The following THEMIS variants were observed in gnomAD, a reference collection of about 807,000 sequenced individuals.
THEMIS encodes the protein thymocyte selection associated, also known as protein THEMIS.
A neutral mutation model predicts 52.6 loss-of-function variants in THEMIS; 37 were observed. That is an observed-to-expected ratio of 0.70 (90% CI 0.54 to 0.93). The LOEUF (loss-of-function observed/expected upper bound fraction) is 0.93. Among genes scored for constraint, THEMIS ranks in the 40% least tolerant of loss-of-function variants. The pLI, the probability that THEMIS is intolerant of heterozygous loss-of-function variation, is 0.00. For missense variants in THEMIS, 808 were observed against 763.1 expected, an observed-to-expected ratio of 1.06 and a Z score of -0.69; for synonymous variants, 292 against 272.7, an observed-to-expected ratio of 1.07 and a Z score of -0.70.
intron 2 of THEMIS, among the ~76,000 whole-genome samples, chr6:127,853,477 A>T (rs1779501536): frequency 6.6e-6 from 1 of 151,710 alleles, no homozygotes; most frequent in Non-Finnish European, 1.5e-5. Context: ...TGTGCAGCCA[A>T]ATTTGAGAAT....
At chr6:127,899,231 A>G (rs1437216833) in intron 1 of THEMIS, among the ~76,000 whole-genome samples, 1 of 151,870 alleles carries the variant, frequency 6.6e-6, no homozygotes, top group Non-Finnish European at 1.5e-5. Flanking sequence ...GTATCCCATA[A>G]ATATGTATAT....
At chr6:127,753,741 G>C (rs1458359052) in intron 4 of THEMIS, among the ~76,000 whole-genome samples, 1 of 151,994 alleles carries the variant, frequency 6.6e-6, no homozygotes, top group African/African-American at 2.4e-5. Flanking sequence ...ATTGCCAGGG[G>C]CTGATGGGAG....
At chr6:127,707,034 G>C (rs1415248566), downstream of THEMIS, among the ~76,000 whole-genome samples, 1 of 152,120 alleles carries the variant, frequency 6.6e-6, no homozygotes, top group Non-Finnish European at 1.5e-5. Flanking sequence ...AGAAGGGGAA[G>C]CAAACACGTC....
chr6:127,767,760 T>C (rs1333363454), intron 4 of THEMIS, among the ~76,000 whole-genome samples: 2 of 152,128 alleles, frequency 1.3e-5, no homozygotes, highest in Non-Finnish European at 2.9e-5. Flanking sequence ...CATTATCGAG[T>C]TTTATATACA....
At chr6:127,748,289 C>T (rs954775192) in intron 4 of THEMIS, among the ~76,000 whole-genome samples, 2 of 151,972 alleles carry the variant, frequency 1.3e-5, no homozygotes, top group Non-Finnish European at 2.9e-5. Context: ...AGTCTAAAAA[C>T]GAGTGGCTGC....
rs545632815 is a variant in THEMIS, at chr6:127,729,783, C to T, written c.1759-9960G>A. On this transcript the variant is annotated intron_variant, in intron 4 of 5. Transcript: ENST00000368248. ...TGTTTGCTTTATAATTAAGTTCATT[C>T]GAGTAATGAGTTTTCATGGCTGTCA... Among the ~76,000 whole-genome samples, 204 of 152,154 alleles carry T rather than the reference C, an allele frequency of 1.3e-3. 1 individual carries two copies. Among genetic ancestry groups the T allele is most frequent in the African/African-American group, 4.6e-3 (193 of 41,516 alleles).
chr6:127,858,852 A>G (rs1779704043), intron 1 of THEMIS, among the ~76,000 whole-genome samples: 1 of 152,154 alleles, frequency 6.6e-6, no homozygotes, highest in South Asian at 2.1e-4. Flanking sequence ...GCTGGAACAA[A>G]GCAGCCTGTT....
At chr6:127,787,458 G>T (rs2114507634) in intron 4 of THEMIS, among the ~76,000 whole-genome samples, 1 of 152,194 alleles carries the variant, frequency 6.6e-6, no homozygotes, top group East Asian at 1.9e-4. Context: ...CATGTTCTTT[G>T]CATGGCATCA....
intron 4 of THEMIS, among the ~76,000 whole-genome samples, chr6:127,720,258 C>T (rs2114486301): frequency 6.6e-6 from 1 of 151,856 alleles, no homozygotes; most frequent in East Asian, 1.9e-4. Flanking sequence ...CAAATCATAA[C>T]ATCTACTATA....
chr6:127,882,751 T>C (rs1780523800), intron 1 of THEMIS, among the ~76,000 whole-genome samples: 2 of 151,960 alleles, frequency 1.3e-5, no homozygotes, highest in Admixed American at 1.3e-4. Context: ...GCTTTTGTTT[T>C]GTCTAAGTAT....
the THEMIS span, among the ~76,000 whole-genome samples, chr6:127,696,628 TG>T: frequency 6.6e-6 from 1 of 152,184 alleles, no homozygotes; most frequent in African/African-American, 2.4e-5. Flanking sequence ...TACCATTTCC[TG>T]GGGGGTTTGA....
chr6:127,753,988 G>A (rs943639290), intron 4 of THEMIS, among the ~76,000 whole-genome samples: 1 of 151,944 alleles, frequency 6.6e-6, no homozygotes, highest in Admixed American at 6.6e-5. Flanking sequence ...ATATATCTAT[G>A]GCCTTAATGG....
At chr6:127,799,941 T>TA (rs1777476364) in intron 4 of THEMIS, among the ~76,000 whole-genome samples, 1 of 152,192 alleles carries the variant, frequency 6.6e-6, no homozygotes, top group Admixed American at 6.5e-5. Context: ...TCACAATTTT[T>TA]ATTAGGGGAA....
intron 5 of THEMIS, among the ~76,000 whole-genome samples, chr6:127,711,729 T>C (rs1156566350): frequency 6.6e-6 from 1 of 152,068 alleles, no homozygotes; most frequent in South Asian, 2.1e-4. Flanking sequence ...TATCATTTAC[T>C]ATCTTTGTGA....
intron 4 of THEMIS, among the ~76,000 whole-genome samples, chr6:127,782,189 G>C (rs1007729180): frequency 6.6e-6 from 1 of 152,300 alleles, no homozygotes; most frequent in East Asian, 1.9e-4. Context: ...AGACTGCTGT[G>C]CTGGTAGCGA....
chr6:127,722,527 A>T lies in THEMIS; in HGVS notation c.1759-2704T>A, dbSNP rs559534034. Among the ~76,000 whole-genome samples the T allele has an allele frequency of 4.6e-5, 7 of 151,748 alleles. No homozygotes were observed. The East Asian group carries it at 1.2e-3, about 25-fold the overall frequency. On this transcript the variant is annotated intron_variant, in intron 4 of 5. Transcript: ENST00000368248. Reference sequence around the variant, plus strand: ...GATAACTTTGCTTTATGGTTTGCAAACTTCACTACCTGTTCAACTTCTTTT... The same window carrying T: ...GATAACTTTGCTTTATGGTTTGCAATCTTCACTACCTGTTCAACTTCTTTT...
intron 1 of THEMIS, among the ~76,000 whole-genome samples, chr6:127,882,071 T>C (rs946839111): frequency 6.6e-6 from 1 of 151,498 alleles, no homozygotes; most frequent in African/African-American, 2.4e-5. Context: ...TCTTTTTAAG[T>C]ATGTAGCTAA....
chr6:127,705,798 A>C (rs193142678), downstream of THEMIS, among the ~76,000 whole-genome samples: 12 of 152,252 alleles, frequency 7.9e-5, no homozygotes, highest in East Asian at 2.3e-3. Context: ...CATAGGGTAC[A>C]CAATTTGGAA....
At chr6:127,781,672 G>A (rs1583270371) in intron 4 of THEMIS, among the ~76,000 whole-genome samples, 1 of 152,066 alleles carries the variant, frequency 6.6e-6, no homozygotes, top group Non-Finnish European at 1.5e-5. Flanking sequence ...GTCTGCTGGA[G>A]TTTGCTGGAG....
Sources: allele counts gnomAD v4.1 joint callset (sites outside exome capture counted in the v4.1 genomes callset), GRCh38; gene constraint gnomAD v4.1.1; transcripts MANE v1.5; gene names NCBI Gene and HGNC (gene_info 2026-07-23, HGNC 2026-07-21).